TRPM3: variants seen among roughly 807,000 people sequenced by gnomAD.
TRPM3 encodes long transient receptor potential channel 3.
A neutral mutation model predicts 181.2 loss-of-function variants in TRPM3; 77 were observed. The ratio of observed to expected loss-of-function variants is 0.42; its 90% CI spans 0.35 to 0.51. TRPM3 has a LOEUF of 0.51. TRPM3 is among the 20% of genes least tolerant of loss of function. The probability of loss-of-function intolerance (pLI) is 0.01; values close to 1 mark genes in which losing one functional copy is unlikely to be tolerated. For missense variants in TRPM3, 1,759 were observed against 2,196.7 expected (o/e 0.80, Z 3.98); for synonymous variants, 745 against 796.4 (o/e 0.94, Z 1.09).
chr9:70,614,588 C>CTT (rs1398825266), intron 18 of TRPM3, among the ~76,000 whole-genome samples: 1 of 152,164 alleles, frequency 6.6e-6, no homozygotes, highest in Non-Finnish European at 1.5e-5. Flanking sequence ...GTGTAAAGCA[C>CTT]TTAGCACTGT....
chr9:71,302,178 T>G (rs1478435097), intron 1 of TRPM3, among the ~76,000 whole-genome samples: 1 of 145,634 alleles, frequency 6.9e-6, no homozygotes, highest in Non-Finnish European at 1.5e-5. Context: ...ATTTACACAT[T>G]TGAAAAAAAA....
chr9:70,798,968 G>T (rs1417567397), intron 6 of TRPM3, among the ~76,000 whole-genome samples: 1 of 152,158 alleles, frequency 6.6e-6, no homozygotes, highest in Non-Finnish European at 1.5e-5. Flanking sequence ...GATTCTTAGG[G>T]ACTCGAACAG....
intron 9 of TRPM3, among the ~76,000 whole-genome samples, chr9:70,644,587 C>G (rs2058534015): frequency 6.6e-6 from 1 of 152,050 alleles, no homozygotes; most frequent in Non-Finnish European, 1.5e-5. Flanking sequence ...TATGACAAAC[C>G]CACAGCCAAT....
At chr9:70,819,117 C>T (rs188420397) in intron 6 of TRPM3, among the ~76,000 whole-genome samples, 40 of 152,182 alleles carry the variant, frequency 2.6e-4, no homozygotes, top group African/African-American at 8.9e-4. Context: ...TAACATGCTC[C>T]GAGTAGTGTT....
At position 70,615,198 on chromosome 9, in the gene TRPM3, G is replaced by T. The variant is rs563826136; in HGVS notation, c.2526+710C>A. 1.3e-4 allele frequency among the ~76,000 whole-genome samples: 20 copies of T among 152,332 alleles called. No homozygotes were observed. In the East Asian group the frequency reaches 3.1e-3, roughly 24 times the overall value. ...TCATTGGTGGGGGTGGTGAGGGAGGGTGAGGCATATTGAGAAAGTCCTTAT... is the reference window on the plus strand; with the variant it reads ...TCATTGGTGGGGGTGGTGAGGGAGGTTGAGGCATATTGAGAAAGTCCTTAT... On this transcript the variant is annotated intron_variant, in intron 18 of 25. Transcript: ENST00000677713.
intron 3 of TRPM3, among the ~76,000 whole-genome samples, chr9:70,851,459 C>A (rs907861662): frequency 6.6e-6 from 1 of 152,074 alleles, no homozygotes; most frequent in South Asian, 2.1e-4. Context: ...TAGGAATAAG[C>A]CTCCCTTGAT....
chr9:70,976,240 T>A lies in TRPM3; in HGVS notation c.178-111729A>T, dbSNP rs554098819. Reference sequence around the variant, plus strand: ...AAGAAGGAGCAAGGTGGATTGAGCATCCTCTCATGAGCCAAAACCTCAGGA... The same window carrying A: ...AAGAAGGAGCAAGGTGGATTGAGCAACCTCTCATGAGCCAAAACCTCAGGA... On this transcript the variant is annotated intron_variant, in intron 1 of 25. Transcript: ENST00000677713. Among the ~76,000 whole-genome samples, 3 of 152,250 alleles carry A rather than the reference T, an allele frequency of 2.0e-5. No homozygotes were observed. The South Asian group carries it at 6.2e-4, about 32-fold the overall frequency.
At chr9:71,004,946 A>G (rs1447614798) in intron 1 of TRPM3, among the ~76,000 whole-genome samples, 2 of 152,232 alleles carry the variant, frequency 1.3e-5, no homozygotes, top group African/African-American at 2.4e-5. Context: ...AAATGAATAA[A>G]AAAGAAGAGT....
At chr9:71,151,340 A>T (rs185671849) in intron 1 of TRPM3, among the ~76,000 whole-genome samples, 1 of 152,230 alleles carries the variant, frequency 6.6e-6, no homozygotes. Context: ...CACAAAACAC[A>T]ATGAGAGTTC....
intron 9 of TRPM3, among the ~76,000 whole-genome samples, chr9:70,668,626 C>T (rs1416880950): frequency 2.2e-5 from 3 of 138,120 alleles, no homozygotes; most frequent in Non-Finnish European, 4.5e-5. Flanking sequence ...GATCGCGCCA[C>T]TGCACTCCAG....
At chr9:70,782,058 A>G (rs953820507) in intron 7 of TRPM3, among the ~76,000 whole-genome samples, 1 of 152,202 alleles carries the variant, frequency 6.6e-6, no homozygotes, top group South Asian at 2.1e-4. Flanking sequence ...ATTTGTATCT[A>G]CTTTGTAGGA....
chr9:70,667,542 GT>G (rs767469274), intron 9 of TRPM3, among the ~76,000 whole-genome samples: 17 of 152,116 alleles, frequency 1.1e-4, no homozygotes, highest in Non-Finnish European at 1.6e-4. Flanking sequence ...CAGAAAATCT[GT>G]TTTACTCTCA....
At chr9:71,089,021 T>C (rs1017717349) in intron 1 of TRPM3, among the ~76,000 whole-genome samples, 6 of 149,994 alleles carry the variant, frequency 4.0e-5, no homozygotes, top group African/African-American at 1.2e-4. Context: ...TGGTGCTATA[T>C]TAGCTGCTCT....
intron 24 of TRPM3, among the ~76,000 whole-genome samples, chr9:70,551,139 T>C (rs1338416096): frequency 2.0e-5 from 3 of 152,246 alleles, no homozygotes; most frequent in African/African-American, 7.2e-5. Flanking sequence ...TAAAACTCCA[T>C]TAACACGTCA....
intron 1 of TRPM3, among the ~76,000 whole-genome samples, chr9:71,350,512 G>A (rs2091562576): frequency 6.6e-6 from 1 of 152,154 alleles, no homozygotes; most frequent in Non-Finnish European, 1.5e-5. Flanking sequence ...TTCCACCTAA[G>A]GCTGTTCCTG....
chr9:71,256,894 C>CA (rs199525430), intron 1 of TRPM3, among the ~76,000 whole-genome samples: 96 of 146,520 alleles, frequency 6.6e-4, no homozygotes, highest in East Asian at 4.1e-3. Context: ...TGTACTCTTG[C>CA]AAAAAAAAAA....
chr9:70,904,141 G>C lies in TRPM3; in HGVS notation c.178-39630C>G, dbSNP rs577906715. ...GGCAGCTGAGGTGAGAGGATCACCT[G>C]AGTCCCCGGAGGTCAAGGCTGCAGT... On this transcript the variant is annotated intron_variant, in intron 1 of 25. Transcript: ENST00000677713. Among the ~76,000 whole-genome samples, 5 of 152,198 alleles carry C rather than the reference G, an allele frequency of 3.3e-5. No individual in the cohort carries two copies. In the East Asian group the frequency reaches 9.7e-4, roughly 29 times the overall value.
At chr9:70,549,961 C>T (rs1338216655) in intron 24 of TRPM3, among the ~76,000 whole-genome samples, 1 of 152,146 alleles carries the variant, frequency 6.6e-6, no homozygotes. Flanking sequence ...AAAGCTAAAT[C>T]AAGGAAAGGG....
intron 1 of TRPM3, among the ~76,000 whole-genome samples, chr9:71,004,862 A>C (rs1313209818): frequency 6.6e-6 from 1 of 152,214 alleles, no homozygotes; most frequent in Non-Finnish European, 1.5e-5. Flanking sequence ...AACAGACTTG[A>C]TCAAACAGAG....
Sources: gnomAD v4.1 joint callset for allele counts (sites outside exome capture counted in the v4.1 genomes callset) on GRCh38, gnomAD v4.1.1 for gene constraint, MANE v1.5 for transcripts, NCBI Gene and HGNC (gene_info 2026-07-23, HGNC 2026-07-21) for gene names.